Variants in PRKN observed in about 807,000 individuals in gnomAD.
The protein encoded by PRKN is parkin RBR E3 ubiquitin protein ligase, also known as E3 ubiquitin-protein ligase parkin.
A neutral mutation model predicts 59.5 loss-of-function variants in PRKN; 56 were observed. That is an observed-to-expected ratio of 0.94 (90% CI 0.76 to 1.18). PRKN has a LOEUF of 1.18. Ranked by LOEUF, PRKN falls within the 50% of genes most tolerant of loss-of-function variation. The pLI is 0.00. For synonymous variants in PRKN, 250 were observed against 222.1 expected (o/e 1.13, Z -1.12); for missense variants, 657 against 596.4 (o/e 1.10, Z -1.06).
intron 7 of PRKN, among the ~76,000 whole-genome samples, chr6:161,701,179 C>T (rs572824639): frequency 2.6e-5 from 4 of 152,248 alleles, no homozygotes; most frequent in Admixed American, 2.0e-4. Context: ...TCTGCCTGTC[C>T]CTGTACTTGG....
Position 161,911,489 on chromosome 6 carries a change from C to T in PRKN, c.734+61813G>A, listed in dbSNP as rs368992181. Reference sequence around the variant, plus strand: ...CATTTCTATCAGAACTCCTGCAACTCGCCAGATATTTCAACTCTTCGGAAA... The same window carrying T: ...CATTTCTATCAGAACTCCTGCAACTTGCCAGATATTTCAACTCTTCGGAAA... On this transcript the variant is annotated intron_variant, in intron 6 of 11. Coordinates refer to ENST00000366898, the MANE Select transcript of PRKN (RefSeq NM_004562.3). 3.3e-5 allele frequency among the ~76,000 whole-genome samples: 5 copies of T among 152,274 alleles called. No homozygotes were observed. In the East Asian group the frequency reaches 9.7e-4, roughly 29 times the overall value.
At chr6:162,356,576 T>C (rs1290689024) in intron 2 of PRKN, among the ~76,000 whole-genome samples, 2 of 151,800 alleles carry the variant, frequency 1.3e-5, no homozygotes, top group African/African-American at 4.8e-5. Flanking sequence ...AATTAAATAT[T>C]AAAATCACAT....
At chr6:162,161,488 A>G (rs931059802) in intron 4 of PRKN, among the ~76,000 whole-genome samples, 6 of 152,320 alleles carry the variant, frequency 3.9e-5, no homozygotes, top group South Asian at 2.1e-4. Flanking sequence ...TAAGCAATAC[A>G]TAAGTTTGGA....
At chr6:161,753,436 A>G (rs1447364561) in intron 7 of PRKN, among the ~76,000 whole-genome samples, 1 of 152,170 alleles carries the variant, frequency 6.6e-6, no homozygotes, top group Admixed American at 6.5e-5. Context: ...GGAAAGAGAG[A>G]AGAAGGAATG....
At chr6:161,767,343 C>CTCTA (rs1304626208) in intron 7 of PRKN, among the ~76,000 whole-genome samples, 3 of 152,162 alleles carry the variant, frequency 2.0e-5, no homozygotes, top group Non-Finnish European at 4.4e-5. Context: ...GAAACGCCAT[C>CTCTA]TCTACTAAAA....
chr6:161,854,612 A>G (rs1007461708), intron 6 of PRKN, among the ~76,000 whole-genome samples: 3 of 152,098 alleles, frequency 2.0e-5, no homozygotes, highest in African/African-American at 7.2e-5. Context: ...CCTACATCTA[A>G]TGTAGTTATG....
At chr6:162,499,596 C>T (rs1272037463) in intron 1 of PRKN, among the ~76,000 whole-genome samples, 1 of 152,154 alleles carries the variant, frequency 6.6e-6, no homozygotes, top group Non-Finnish European at 1.5e-5. Flanking sequence ...ATTCAGGAGA[C>T]CCGGACACTG....
chr6:162,134,684 A>G (rs1781499807), intron 4 of PRKN, among the ~76,000 whole-genome samples: 1 of 152,200 alleles, frequency 6.6e-6, no homozygotes, highest in African/African-American at 2.4e-5. Flanking sequence ...AGTGAAAGCT[A>G]CTCTGAGATC....
intron 9 of PRKN, among the ~76,000 whole-genome samples, chr6:161,479,915 G>A (rs73589786): frequency 0.014 from 2,109 of 152,230 alleles, 53 homozygotes; most frequent in African/African-American, 0.049. Flanking sequence ...CAGGCCACAC[G>A]ATTTGCTCTA....
Position 161,484,056 on chromosome 6 carries a change from A to G in PRKN, c.1083+64798T>C, listed in dbSNP as rs1235351053. On this transcript the variant is annotated intron_variant, in intron 9 of 11. Transcript: ENST00000366898. The surrounding 1 kb of genome is among the most constrained non-coding windows in gnomAD (Gnocchi z 4.9). ...GTGGGGAGGGAGAGCATCAGGAAGA[A>G]TACCTAATGGATGCTGGGCTTAATA... is the stretch of plus-strand genomic sequence containing the variant. 6.6e-6 allele frequency among the ~76,000 whole-genome samples: 1 copy of G among 152,132 alleles called. No homozygotes were observed. The highest frequency in any genetic ancestry group is 1.5e-5 in the Non-Finnish European group (1 of 68,022).
intron 1 of PRKN, among the ~76,000 whole-genome samples, chr6:162,450,305 A>T (rs1279924104): frequency 8.7e-6 from 1 of 115,314 alleles, no homozygotes; most frequent in African/African-American, 6.1e-5. Context: ...ACCCCTGTGA[A>T]TATGAACGCC....
intron 7 of PRKN, among the ~76,000 whole-genome samples, chr6:161,684,325 T>G (rs959805300): frequency 3.3e-5 from 5 of 152,098 alleles, no homozygotes; most frequent in African/African-American, 1.2e-4. Context: ...CAAGCAATCC[T>G]CCCACCTTGG....
At chr6:162,530,069 G>T (rs1377924821) in intron 1 of PRKN, among the ~76,000 whole-genome samples, 1 of 151,520 alleles carries the variant, frequency 6.6e-6, no homozygotes, top group Non-Finnish European at 1.5e-5. Context: ...GGTGGAGGTT[G>T]CAGTGAGCCA....
chr6:162,166,974 T>G (rs1256807298), intron 4 of PRKN, among the ~76,000 whole-genome samples: 1 of 152,132 alleles, frequency 6.6e-6, no homozygotes, highest in East Asian at 1.9e-4. Flanking sequence ...TACTCCCAAA[T>G]GAACCACCTG....
intron 9 of PRKN, among the ~76,000 whole-genome samples, chr6:161,406,242 T>C (rs1274430776): frequency 6.6e-6 from 1 of 151,860 alleles, no homozygotes; most frequent in Non-Finnish European, 1.5e-5. Context: ...ACACACTTGA[T>C]TTGAGGTGTT....
rs1253019103 is a variant in PRKN at position 161,488,087 on chromosome 6, G to A, written c.1083+60767C>T. Among the ~76,000 whole-genome samples, 3 of 152,238 alleles carry A rather than the reference G, an allele frequency of 2.0e-5. No homozygotes were observed. The highest frequency in any genetic ancestry group is 2.9e-5 in the Non-Finnish European group (2 of 68,042). Reference sequence around the variant, plus strand: ...AGAAAGCAGGGCTGGCTTACAGGGTGAGATCGTGCAGTGGTTGGGGAAGGC... The same window carrying A: ...AGAAAGCAGGGCTGGCTTACAGGGTAAGATCGTGCAGTGGTTGGGGAAGGC... On this transcript the variant is annotated intron_variant, in intron 9 of 11. Transcript: ENST00000366898. The surrounding 1 kb of genome is among the most constrained non-coding windows in gnomAD (Gnocchi z 4.5).
intron 6 of PRKN, among the ~76,000 whole-genome samples, chr6:161,796,047 CA>C (rs1383082208): frequency 6.6e-6 from 1 of 152,080 alleles, no homozygotes; most frequent in East Asian, 1.9e-4. Context: ...TATAATATCC[CA>C]AGTGTGGTTG....
At chr6:162,133,323 A>C (rs1781446104) in intron 4 of PRKN, among the ~76,000 whole-genome samples, 2 of 152,128 alleles carry the variant, frequency 1.3e-5, no homozygotes, top group South Asian at 4.1e-4. Context: ...AACGCTGCTG[A>C]TGGATTAGAT....
At chr6:162,364,977 C>T (rs1344179562) in intron 2 of PRKN, among the ~76,000 whole-genome samples, 1 of 138,166 alleles carries the variant, frequency 7.2e-6, no homozygotes, top group Non-Finnish European at 1.6e-5. Flanking sequence ...CTCTCTCTCT[C>T]TCTTTTTTTT....
Sources: gnomAD v4.1 joint callset for allele counts (sites outside exome capture counted in the v4.1 genomes callset) on GRCh38, gnomAD v4.1.1 for gene constraint, Gnocchi (gnomAD v3.1) non-coding constraint, MANE v1.5 for transcripts, NCBI Gene and HGNC (gene_info 2026-07-23, HGNC 2026-07-21) for gene names.